PRKAA2: variants seen among roughly 807,000 people sequenced by gnomAD.
PRKAA2 encodes the protein protein kinase AMP-activated catalytic subunit alpha 2.
In PRKAA2, 40 loss-of-function variants were observed where a neutral mutation model predicts 56.3. The ratio of observed to expected loss-of-function variants is 0.71; its 90% CI spans 0.55 to 0.92. The LOEUF is 0.92. PRKAA2 is among the 40% of genes least tolerant of loss of function. The probability of loss-of-function intolerance (pLI) is 0.00; values close to 1 mark genes in which losing one functional copy is unlikely to be tolerated. For missense variants in PRKAA2, 542 were observed against 686.9 expected (o/e 0.79, Z 2.36); for synonymous variants, 214 against 234.2 (o/e 0.91, Z 0.79).
intron 1 of PRKAA2, among the ~76,000 whole-genome samples, chr1:56,670,927 C>T (rs1644070810): frequency 6.6e-6 from 1 of 152,032 alleles, no homozygotes; most frequent in Non-Finnish European, 1.5e-5. Flanking sequence ...TTATTGCGGT[C>T]TCCCCACCCC....
rs1244105219 is a variant in PRKAA2, at chr1:56,708,842, G to A, written c.*1129G>A. On this transcript the variant is annotated 3_prime_UTR_variant, in exon 9 of 9. Transcript: ENST00000371244. ...TGACCTTTACTGTTGAACCTGATAG[G>A]GCAGGGAAGCTTTGAACATCAAGAA... The A allele has an allele frequency of 6.6e-6, 1 of 151,878 alleles. No homozygotes were observed. Among genetic ancestry groups the A allele is most frequent in the Non-Finnish European group, 1.5e-5 (1 of 67,962 alleles). The allele number at this position is 151,878 out of a possible 1,614,324, so 9.4% of individuals were successfully genotyped here.
intron 1 of PRKAA2, among the ~76,000 whole-genome samples, chr1:56,655,573 G>C (rs1643935603): frequency 6.6e-6 from 1 of 151,896 alleles, no homozygotes; most frequent in African/African-American, 2.4e-5. Flanking sequence ...TTTTTTACCA[G>C]TGTTCATCTG....
intron 1 of PRKAA2, among the ~76,000 whole-genome samples, chr1:56,659,513 A>G (rs1338210894): frequency 6.6e-6 from 1 of 151,660 alleles, no homozygotes; most frequent in East Asian, 1.9e-4. Flanking sequence ...AAAAAAAGGA[A>G]AAAAAAAGGT....
chr1:56,659,172 G>A (rs1470911016), intron 1 of PRKAA2, among the ~76,000 whole-genome samples: 1 of 151,470 alleles, frequency 6.6e-6, no homozygotes, highest in Non-Finnish European at 1.5e-5. Flanking sequence ...ATTTTCCTGC[G>A]GAATCCTAGA....
chr1:56,655,260 T>TACA (rs1553146912), intron 1 of PRKAA2, among the ~76,000 whole-genome samples: 1 of 71,738 alleles, frequency 1.4e-5, no homozygotes, highest in Non-Finnish European at 2.5e-5. Flanking sequence ...ATGTATGTAT[T>TACA]TATATATCTA....
At chr1:56,696,940 G>A (rs953873358) in intron 6 of PRKAA2, among the ~76,000 whole-genome samples, 4 of 140,632 alleles carry the variant, frequency 2.8e-5, no homozygotes, top group African/African-American at 1.1e-4. Flanking sequence ...TTTCATCCGT[G>A]TTTGTTTACA....
intron 1 of PRKAA2, among the ~76,000 whole-genome samples, chr1:56,654,652 G>A (rs1312719794): frequency 6.6e-6 from 1 of 152,110 alleles, no homozygotes; most frequent in African/African-American, 2.4e-5. Flanking sequence ...CGTATGAAAA[G>A]CAATGTGTTT....
Position 56,692,639 on chromosome 1 carries a change from CT to C in PRKAA2, c.475+147del, listed in dbSNP as rs367594808. The C allele has an allele frequency of 3.4e-3, 2,230 of 664,728 alleles. 1 individual carries two copies. Among genetic ancestry groups the C allele is most frequent in the East Asian group, 6.6e-3 (172 of 26,196 alleles). 41.2% of individuals were successfully genotyped at this position (664,728 alleles called of 1,614,324 possible). A position where few individuals can be genotyped will look rare whatever the true frequency, so the allele number is the denominator to read the frequency against. Reference sequence around the variant, plus strand: ...GAATTAGCTGAAATCTCCTCAGTAGCTTTTTTTTTTCATTTAATTAAATTTT... The same window carrying C: ...GAATTAGCTGAAATCTCCTCAGTAGCTTTTTTTTTCATTTAATTAAATTTT... On this transcript the variant is annotated intron_variant, in intron 4 of 8. Coordinates refer to ENST00000371244, the MANE Select transcript of PRKAA2 (RefSeq NM_006252.4).
intron 1 of PRKAA2, among the ~76,000 whole-genome samples, chr1:56,672,761 G>A (rs574633830): frequency 1.5e-3 from 227 of 152,264 alleles, no homozygotes; most frequent in African/African-American, 5.3e-3. Context: ...TGGGTATTTT[G>A]TGACTGTTTG....
At chr1:56,702,878 ATTTG>A (rs1479336872) in intron 6 of PRKAA2, among the ~76,000 whole-genome samples, 1 of 152,198 alleles carries the variant, frequency 6.6e-6, no homozygotes, top group African/African-American at 2.4e-5. Context: ...TTTTATGTAT[ATTTG>A]TTTAATCTCT....
Position 56,706,192 on chromosome 1 carries a change from A to G in PRKAA2, c.1394A>G (p.Tyr465Cys). ...LQLYLVDNRS[Y>C]LLDFKSIDDE... ...CTTTACCTGGTTGATAACAGGAGCTATCTTTTGGACTTTAAAAGCATTGAT... is the reference window on the plus strand; with the variant it reads ...CTTTACCTGGTTGATAACAGGAGCTGTCTTTTGGACTTTAAAAGCATTGAT... Residue 465 changes from tyrosine (Y) to cysteine (C), a missense_variant, in exon 8 of 9, where the codon TAT becomes TGT. Physicochemically the swap from Tyr to Cys is radical, Grantham distance 194. This residue lies in a region of PRKAA2 where 158 missense variants were observed against 166.1 expected (regional missense o/e 0.95). Transcript: ENST00000371244. 2 of 1,613,840 alleles carry G rather than the reference A, an allele frequency of 1.2e-6. No individual in the cohort carries two copies. Among genetic ancestry groups the G allele is most frequent in the South Asian group, 2.2e-5 (2 of 90,988 alleles).
chr1:56,707,064 TTC>T (rs1232519255), intron 8 of PRKAA2, among the ~76,000 whole-genome samples: 1 of 152,170 alleles, frequency 6.6e-6, no homozygotes, highest in Non-Finnish European at 1.5e-5. Context: ...TTAACAAGAT[TTC>T]TCTCACTTTG....
chr1:56,685,576 C>T (rs1410090736), intron 2 of PRKAA2, among the ~76,000 whole-genome samples: 1 of 152,156 alleles, frequency 6.6e-6, no homozygotes, highest in Non-Finnish European at 1.5e-5. Flanking sequence ...AAAAGAGACA[C>T]ATTATATGCC....
chr1:56,703,656 T>C (rs956983955), intron 6 of PRKAA2, among the ~76,000 whole-genome samples: 3 of 152,226 alleles, frequency 2.0e-5, no homozygotes, highest in African/African-American at 7.2e-5. Flanking sequence ...ACACAAATAA[T>C]ACAAAATTTG....
chr1:56,688,240 G>A (rs997367768), intron 2 of PRKAA2, among the ~76,000 whole-genome samples: 1 of 152,048 alleles, frequency 6.6e-6, no homozygotes, highest in African/African-American at 2.4e-5. Flanking sequence ...GGGGGACAAA[G>A]GGAAATTTTA....
intron 1 of PRKAA2, among the ~76,000 whole-genome samples, chr1:56,658,703 C>T (rs1643967427): frequency 6.6e-6 from 1 of 151,376 alleles, no homozygotes; most frequent in Non-Finnish European, 1.5e-5. Context: ...TCTCGAACTC[C>T]TGGGCTCAAG....
chr1:56,693,674 G>C, intron 4 of PRKAA2, 91 bp from the exon 5 acceptor site: 1 of 758,078 alleles, frequency 1.3e-6, no homozygotes, highest in Non-Finnish European at 2.1e-6. Context: ...ATATATGGAG[G>C]ATCCAGGACT....
intron 1 of PRKAA2, among the ~76,000 whole-genome samples, chr1:56,672,727 A>T (rs554529397): frequency 6.6e-6 from 1 of 152,282 alleles, no homozygotes; most frequent in Non-Finnish European, 1.5e-5. Flanking sequence ...GAGAACTGAA[A>T]AGTATCCATG....
chr1:56,686,201 G>A (rs1644189708), intron 2 of PRKAA2, among the ~76,000 whole-genome samples: 1 of 152,206 alleles, frequency 6.6e-6, no homozygotes, highest in African/African-American at 2.4e-5. Flanking sequence ...AAAAGACACA[G>A]CATTTTCTAC....
Sources: gnomAD v4.1 joint callset for allele counts (sites outside exome capture counted in the v4.1 genomes callset) on GRCh38, gnomAD v4.1.1 for gene constraint, gnomAD v4.1.1 regional missense constraint, MANE v1.5 for transcripts, NCBI Gene and HGNC (gene_info 2026-07-23, HGNC 2026-07-21) for gene names.